The following PRMT7 variants were observed in gnomAD, a reference collection of about 807,000 sequenced individuals.
PRMT7 encodes the protein protein arginine N-methyltransferase 7.
In PRMT7, 75 loss-of-function variants were observed where a neutral mutation model predicts 85.4. The ratio of observed to expected loss-of-function variants is 0.88; its 90% CI spans 0.73 to 1.06. PRMT7 has a LOEUF of 1.06. PRMT7 is among the 50% of genes least tolerant of loss of function. PRMT7 has a pLI of 0.00. For missense variants in PRMT7, 868 were observed against 915.2 expected (o/e 0.95, Z 0.67); for synonymous variants, 397 against 359.5 (o/e 1.10, Z -1.18).
At chr16:68,321,535 C>T in intron 4 of PRMT7, 73 bp downstream of exon 4, 1 of 1,401,964 alleles carries the variant, frequency 7.1e-7, no homozygotes, top group Non-Finnish European at 1.0e-6. Context: ...GGTTAAGAAT[C>T]CCTGGGGGTC....
At chr16:68,326,434 T>G (rs1209148780) in intron 5 of PRMT7, among the ~76,000 whole-genome samples, 1 of 152,160 alleles carries the variant, frequency 6.6e-6, no homozygotes, top group African/African-American at 2.4e-5. Flanking sequence ...TTAGTAGAGA[T>G]AGGGTTTCGC....
intron 16 of PRMT7, 96 bp from the exon 17 acceptor site, chr16:68,355,627 T>C (rs2088267117): frequency 9.2e-6 from 12 of 1,307,260 alleles, no homozygotes; most frequent in African/African-American, 1.5e-5. Context: ...CGCACACCCC[T>C]TGTGACTGCA....
At chr16:68,349,107 C>G (rs375063092) in intron 14 of PRMT7, among the ~76,000 whole-genome samples, 1 of 152,182 alleles carries the variant, frequency 6.6e-6, no homozygotes, top group Non-Finnish European at 1.5e-5. Context: ...GAAACTGCTT[C>G]TGCCAGCAAC....
intron 5 of PRMT7, 61 bp downstream of exon 5, chr16:68,324,893 G>C: frequency 1.3e-6 from 2 of 1,593,964 alleles, no homozygotes; most frequent in Non-Finnish European, 1.7e-6. Flanking sequence ...CTATGCTCTT[G>C]CACTTTCCCC....
rs1427732626 is a variant in PRMT7 at position 68,312,177 on chromosome 16, G to A, written c.-84+1G>A. On this transcript the variant is annotated splice_donor_variant, in intron 2 of 18. Transcript: ENST00000441236. LOFTEE classifies it low-confidence loss of function (5UTR_SPLICE). ...TACAGGCACGCGCCACTACACTCGG[G>A]TAATTTTTAATTTTAATATATGTAT... is the stretch of plus-strand genomic sequence containing the variant. 1 of 146,566 alleles carries A rather than the reference G, an allele frequency of 6.8e-6. No individual in the cohort carries two copies. The highest frequency in any genetic ancestry group is 1.5e-5 in the Non-Finnish European group (1 of 66,926). 9.1% of individuals were successfully genotyped at this position (146,566 alleles called of 1,614,324 possible). A position where few individuals can be genotyped will look rare whatever the true frequency, so the allele number is the denominator to read the frequency against.
chr16:68,357,040 T>C lies in PRMT7; in HGVS notation c.1909-14T>C. 1 of 1,595,026 alleles carries C rather than the reference T, an allele frequency of 6.3e-7. No individual in the cohort carries two copies. Among genetic ancestry groups the C allele is most frequent in the Non-Finnish European group, 8.6e-7 (1 of 1,169,582 alleles). On this transcript the variant is annotated splice_polypyrimidine_tract_variant and intron_variant, in intron 18 of 18. Coordinates refer to ENST00000441236, the MANE Select transcript of PRMT7 (RefSeq NM_019023.5). ...CAGGGAGCCCTCACCATCTTCCTGC[T>C]CTTCTTCCTACAGGGGGGCTGCTGC... is the stretch of plus-strand genomic sequence containing the variant.
intron 5 of PRMT7, chr16:68,328,199 C>T (rs934783538): frequency 2.3e-5 from 6 of 263,270 alleles, no homozygotes; most frequent in South Asian, 1.2e-4. Context: ...CTAAAATTTC[C>T]GCTCTCATGC....
intron 3 of PRMT7, among the ~76,000 whole-genome samples, chr16:68,320,688 T>TGGCCAGATTTGGGGGCCTGTTCCC (rs2082385314): frequency 6.6e-6 from 1 of 152,230 alleles, no homozygotes; most frequent in Non-Finnish European, 1.5e-5. Context: ...GGCCTGTTTT[T>TGGCCAGATTTGGGGGCCTGTTCCC]GGCCAGATTT....
At chr16:68,322,780 C>T (rs2082648199) in intron 4 of PRMT7, among the ~76,000 whole-genome samples, 1 of 152,038 alleles carries the variant, frequency 6.6e-6, no homozygotes, top group Non-Finnish European at 1.5e-5. Flanking sequence ...TGCCTGTAAT[C>T]CCAGCACTTT....
chr16:68,347,422 G>A, intron 12 of PRMT7, 128 bp downstream of exon 12: 1 of 1,107,472 alleles, frequency 9.0e-7, no homozygotes, highest in Non-Finnish European at 1.3e-6. Flanking sequence ...AGCATGCTCG[G>A]GTCAGGGGCT....
intron 2 of PRMT7, 91 bp from the exon 3 acceptor site, chr16:68,315,806 C>A: frequency 1.6e-6 from 1 of 622,488 alleles, no homozygotes; most frequent in East Asian, 2.9e-5. Flanking sequence ...TCTCCCCTTC[C>A]CCCCTCCACA....
At position 68,344,492 on chromosome 16, in the gene PRMT7, G is replaced by T. The variant is rs1056595753; in HGVS notation, c.928-1183G>T. Among the ~76,000 whole-genome samples the T allele has an allele frequency of 3.9e-5, 6 of 152,166 alleles. No homozygotes were observed. The East Asian group carries it at 1.2e-3, about 29-fold the overall frequency. On this transcript the variant is annotated intron_variant, in intron 9 of 18. Transcript: ENST00000441236. ...GCAGCAGCGTTTAAGATGTCTGTCC[G>T]TATTCTGCACGAGGGTTTATATCCC...
At chr16:68,321,581 G>C in intron 4 of PRMT7, 119 bp downstream of exon 4, 2 of 937,856 alleles carry the variant, frequency 2.1e-6, no homozygotes, top group Non-Finnish European at 3.2e-6. Flanking sequence ...GTATGGTGTA[G>C]AAGTCAGGAA....
At chr16:68,336,759 CTCACTCTGTCGCGCAGGCTGGA>C (rs1409313747) in intron 6 of PRMT7, among the ~76,000 whole-genome samples, 4 of 152,030 alleles carry the variant, frequency 2.6e-5, no homozygotes, top group Non-Finnish European at 4.4e-5. Context: ...GAGACAGAGT[CTCACTCTGTCGCGCAGGCTGGA>C]TCACTCTGTC....
intron 13 of PRMT7, 114 bp downstream of exon 13, chr16:68,347,792 CCT>C (rs1248771840): frequency 2.1e-6 from 2 of 947,720 alleles, no homozygotes; most frequent in Non-Finnish European, 3.2e-6. Flanking sequence ...CGCTTGCACC[CCT>C]GTGTTGTCTT....
chr16:68,321,120 T>G (rs1243971315), intron 3 of PRMT7, among the ~76,000 whole-genome samples: 2 of 151,894 alleles, frequency 1.3e-5, no homozygotes, highest in African/African-American at 4.8e-5. Context: ...AATACAAAAA[T>G]TAGCCAGGCG....
At position 68,353,508 on chromosome 16, in the gene PRMT7, G is replaced by C. The variant is rs753355037; in HGVS notation, c.1592G>C (p.Arg531Pro). 1.2e-6 allele frequency: 2 copies of C among 1,609,176 alleles called. No homozygotes were observed. The highest frequency in any genetic ancestry group is 1.7e-6 in the Non-Finnish European group (2 of 1,177,948). Residue 531 changes from arginine to proline, a missense_variant, in exon 16 of 19, where the codon CGG becomes CCG. By Grantham distance (103) the Arg-to-Pro change is moderately radical. Transcript: ENST00000441236. ...TCCTCACAGGACCTGTGGCGGATCCGGAGCCCCTGTGGTGACTGCGAAGGC... is the reference window on the plus strand; with the variant it reads ...TCCTCACAGGACCTGTGGCGGATCCCGAGCCCCTGTGGTGACTGCGAAGGC... ...VVEFRDLWRI[R>P]SPCGDCEGFD...
chr16:68,325,514 G>C (rs1328137326), intron 5 of PRMT7, among the ~76,000 whole-genome samples: 1 of 148,772 alleles, frequency 6.7e-6, no homozygotes, highest in Non-Finnish European at 1.5e-5. Context: ...CGAAACAAAG[G>C]CTGGGCACAG....
chr16:68,324,690 A>G lies in PRMT7; in HGVS notation c.140A>G (p.Lys47Arg), dbSNP rs764280418. The change falls in exon 5 of 19, where the codon AAA becomes AGA. Residue 47 changes from lysine (K) to arginine (R), a missense_variant. Coordinates refer to ENST00000441236, the MANE Select transcript of PRMT7 (RefSeq NM_019023.5). ...CGGCCATGTCTTCCTTAGAATGTAA[A>G]ATACTACCAAGGTATCCGGGCTGCC... Reference protein sequence around the residue: ...DMLHDKDRNVKYYQGIRAAVS... With the variant: ...DMLHDKDRNVRYYQGIRAAVS... 3 of 1,614,112 alleles carry G rather than the reference A, an allele frequency of 1.9e-6. No individual in the cohort carries two copies. The highest frequency in any genetic ancestry group is 8.5e-7 in the Non-Finnish European group (1 of 1,180,012).
Sources: gnomAD v4.1 joint callset for allele counts (sites outside exome capture counted in the v4.1 genomes callset) on GRCh38, gnomAD v4.1.1 for gene constraint, MANE v1.5 for transcripts, NCBI Gene and HGNC (gene_info 2026-07-23, HGNC 2026-07-21) for gene names.